Variants in PLCL1 observed in about 807,000 individuals in gnomAD.
PLCL1 encodes phospholipase C like 1 (inactive).
A neutral mutation model predicts 84.4 loss-of-function variants in PLCL1; 41 were observed. The observed-to-expected ratio is 0.49, with a 90% confidence interval of 0.38 to 0.63. PLCL1 has a LOEUF of 0.63. Ranked by LOEUF, PLCL1 falls within the 30% of genes least tolerant of loss-of-function variation. The pLI is 0.00. For synonymous variants in PLCL1, 490 were observed against 488.3 expected (o/e 1.00, Z -0.05); for missense variants, 1,206 against 1,367.8 (o/e 0.88, Z 1.87).
intron 1 of PLCL1, among the ~76,000 whole-genome samples, chr2:198,008,188 G>C (rs1486980692): frequency 6.6e-6 from 1 of 151,932 alleles, no homozygotes; most frequent in Non-Finnish European, 1.5e-5. Context: ...TTTGGGCTTG[G>C]TTTTAGATTT....
At chr2:197,931,318 T>C (rs1688926747) in intron 1 of PLCL1, among the ~76,000 whole-genome samples, 2 of 152,164 alleles carry the variant, frequency 1.3e-5, no homozygotes, top group Non-Finnish European at 2.9e-5. Flanking sequence ...ATAGTTGCTA[T>C]CATTTATAGT....
chr2:197,980,972 A>C (rs1429704006), intron 1 of PLCL1, among the ~76,000 whole-genome samples: 1 of 152,206 alleles, frequency 6.6e-6, no homozygotes, highest in African/African-American at 2.4e-5. Context: ...CAGTTCAAGT[A>C]AATTTAGGTT....
In PLCL1 at chr2:197,953,784, A is replaced by G. The variant is rs114334113; in HGVS notation, c.241-129974A>G. Among the ~76,000 whole-genome samples, 776 of 152,192 alleles carry G rather than the reference A, an allele frequency of 5.1e-3. 7 individuals carry two copies. Among genetic ancestry groups the G allele is most frequent in the African/African-American group, 0.017 (710 of 41,556 alleles). On this transcript the variant is annotated intron_variant, in intron 1 of 5. Transcript: ENST00000428675. Reference sequence around the variant, plus strand: ...ATTATATCTCAGACATCTAAGGATCAACATTTTTTCTATGTGTTTTTGTTA... The same window carrying G: ...ATTATATCTCAGACATCTAAGGATCGACATTTTTTCTATGTGTTTTTGTTA...
At chr2:197,845,281 T>C (rs1024438891) in intron 1 of PLCL1, among the ~76,000 whole-genome samples, 8 of 152,138 alleles carry the variant, frequency 5.3e-5, no homozygotes, top group Non-Finnish European at 1.2e-4. Context: ...ATAAATATTT[T>C]ACACACACAT....
At chr2:197,947,237 A>ATATATATATATATATATATAT (rs1689294732) in intron 1 of PLCL1, among the ~76,000 whole-genome samples, 4 of 142,750 alleles carry the variant, frequency 2.8e-5, no homozygotes, top group African/African-American at 1.0e-4. Context: ...TGCTTAGATA[A>ATATATATATATATATATATAT]ATATATATAT....
chr2:198,057,472 A>C (rs755763811), intron 1 of PLCL1, among the ~76,000 whole-genome samples: 1 of 152,156 alleles, frequency 6.6e-6, no homozygotes, highest in Non-Finnish European at 1.5e-5. Context: ...GCCCATTTCA[A>C]AGGTGCAGAG....
intron 1 of PLCL1, among the ~76,000 whole-genome samples, chr2:197,871,091 G>C (rs181977542): frequency 6.4e-4 from 97 of 152,208 alleles, no homozygotes; most frequent in African/African-American, 2.2e-3. Flanking sequence ...GCCATACAGA[G>C]AGGCTTGATA....
chr2:197,978,472 C>G (rs142659651), intron 1 of PLCL1, among the ~76,000 whole-genome samples: 1 of 151,850 alleles, frequency 6.6e-6, no homozygotes, highest in African/African-American at 2.4e-5. Flanking sequence ...AGGGAGACTC[C>G]GTCTCAAAAA....
At chr2:197,942,195 AG>A (rs1352757514) in intron 1 of PLCL1, among the ~76,000 whole-genome samples, 1 of 152,178 alleles carries the variant, frequency 6.6e-6, no homozygotes, top group Non-Finnish European at 1.5e-5. Context: ...TTCACAGGAA[AG>A]GGCTCCCTGG....
At chr2:197,806,414 T>C (rs774615038) in intron 1 of PLCL1, among the ~76,000 whole-genome samples, 2 of 152,202 alleles carry the variant, frequency 1.3e-5, no homozygotes, top group Non-Finnish European at 2.9e-5. Flanking sequence ...GCGTAACCAG[T>C]GCATCACGCA....
At chr2:198,112,766 G>A (rs1693652413) in intron 5 of PLCL1, among the ~76,000 whole-genome samples, 1 of 151,994 alleles carries the variant, frequency 6.6e-6, no homozygotes, top group South Asian at 2.1e-4. Context: ...GAACGCAACT[G>A]GGAGGGGCAA....
chr2:198,134,687 T>C (rs1694211950), intron 5 of PLCL1, among the ~76,000 whole-genome samples: 1 of 152,140 alleles, frequency 6.6e-6, no homozygotes, highest in East Asian at 1.9e-4. Flanking sequence ...AAAGGACATA[T>C]CTAGACCAGA....
intron 1 of PLCL1, among the ~76,000 whole-genome samples, chr2:197,865,129 G>A (rs538389665): frequency 2.4e-4 from 36 of 152,280 alleles, no homozygotes; most frequent in Middle Eastern, 6.8e-3. Context: ...AGCAAGATAA[G>A]TGACCTACTG....
intron 2 of PLCL1, 34 bp from the exon 3 acceptor site, chr2:198,088,824 T>C (rs781606259): frequency 7.6e-7 from 1 of 1,311,726 alleles, no homozygotes; most frequent in Non-Finnish European, 1.1e-6. Context: ...TGTCAGGTGG[T>C]CAGAAGTGTG....
intron 1 of PLCL1, among the ~76,000 whole-genome samples, chr2:197,958,507 T>C (rs1689537032): frequency 6.6e-6 from 1 of 152,050 alleles, no homozygotes; most frequent in Non-Finnish European, 1.5e-5. Context: ...CTATACACCT[T>C]ATTCTAAAAT....
At chr2:198,052,559 A>C (rs56788976) in intron 1 of PLCL1, among the ~76,000 whole-genome samples, 5,897 of 152,138 alleles carry the variant, frequency 0.039, 370 homozygotes, top group African/African-American at 0.14. Context: ...ACACTAATTG[A>C]CATAAATTTT....
intron 1 of PLCL1, among the ~76,000 whole-genome samples, chr2:197,996,271 A>G (rs1690463424): frequency 6.6e-6 from 1 of 152,154 alleles, no homozygotes; most frequent in Non-Finnish European, 1.5e-5. Context: ...TGAAGAATGC[A>G]CAGAGAGATG....
At chr2:197,887,382 C>A (rs542004864) in intron 1 of PLCL1, among the ~76,000 whole-genome samples, 19 of 152,212 alleles carry the variant, frequency 1.2e-4, no homozygotes, top group African/African-American at 4.1e-4. Context: ...ACAAGATGAT[C>A]ATTTTTTTCT....
chr2:197,995,542 C>G (rs1029468022), intron 1 of PLCL1, among the ~76,000 whole-genome samples: 11 of 151,998 alleles, frequency 7.2e-5, no homozygotes, highest in Admixed American at 1.3e-4. Context: ...AAGGTGGGTC[C>G]TGAGGGTTTA....
Sources: allele counts gnomAD v4.1 joint callset (sites outside exome capture counted in the v4.1 genomes callset), GRCh38; gene constraint gnomAD v4.1.1; transcripts MANE v1.5; gene names NCBI Gene and HGNC (gene_info 2026-07-23, HGNC 2026-07-21).